The following ANKRD62 variants were observed in gnomAD, a reference collection of about 807,000 sequenced individuals.
ANKRD62 encodes the protein ankyrin repeat domain 62.
Under a neutral mutation model 98.8 loss-of-function variants are expected in ANKRD62, and 61 were observed. The observed-to-expected ratio is 0.62, with a 90% CI of 0.50 to 0.76. The LOEUF is 0.76. Ranked by LOEUF, ANKRD62 falls within the 30% of genes least tolerant of loss-of-function variation. ANKRD62 has a pLI of 0.00. For synonymous variants in ANKRD62, 341 were observed against 367.9 expected (o/e 0.93, Z 0.84); for missense variants, 933 against 1,082.9 (o/e 0.86, Z 1.94).
chr18:12,151,943 C>G, the ANKRD62 span, among the ~76,000 whole-genome samples: 1 of 151,954 alleles, frequency 6.6e-6, no homozygotes, highest in African/African-American at 2.4e-5. Flanking sequence ...CTTCTATGCA[C>G]ACAAACTAGA....
At chr18:12,156,954 C>T in the ANKRD62 span, among the ~76,000 whole-genome samples, 4 of 152,162 alleles carry the variant, frequency 2.6e-5, no homozygotes, top group Admixed American at 2.0e-4. Context: ...CGCTCTCTCT[C>T]GCTCGCTGTC....
the ANKRD62 span, among the ~76,000 whole-genome samples, chr18:12,173,212 G>C: frequency 6.6e-6 from 1 of 152,318 alleles, no homozygotes; most frequent in African/African-American, 2.4e-5. Flanking sequence ...GACTGGAGCT[G>C]TTCCTATTCA....
chr18:12,113,454 C>G (rs139386928), intron 8 of ANKRD62, among the ~76,000 whole-genome samples: 1 of 152,088 alleles, frequency 6.6e-6, no homozygotes, highest in Non-Finnish European at 1.5e-5. Flanking sequence ...GGTGAAACAT[C>G]GTCTCTACTA....
intron 10 of ANKRD62, among the ~76,000 whole-genome samples, chr18:12,116,519 G>A (rs1194187287): frequency 1.3e-5 from 2 of 151,980 alleles, no homozygotes; most frequent in Admixed American, 6.6e-5. Context: ...GGGTCCTATC[G>A]CCAAGATATC....
At chr18:12,170,003 A>G in the ANKRD62 span, among the ~76,000 whole-genome samples, 32 of 152,158 alleles carry the variant, frequency 2.1e-4, no homozygotes, top group Admixed American at 1.8e-3. Flanking sequence ...TATTGCATCT[A>G]TTTGATTCTT....
chr18:12,125,353 C>T (rs1909864882), intron 12 of ANKRD62, 107 bp from the exon 13 acceptor site: 10 of 1,063,552 alleles, frequency 9.4e-6, no homozygotes, highest in Non-Finnish European at 1.2e-5. Context: ...CAGATGGCAA[C>T]TCTTTCATTG....
chr18:12,127,620 T>C (rs1188232865), intron 13 of ANKRD62, 128 bp from the exon 14 acceptor site: 5 of 618,302 alleles, frequency 8.1e-6, no homozygotes, highest in African/African-American at 1.9e-5. Flanking sequence ...TGTGTACACA[T>C]GAGGAGGAGA....
downstream of ANKRD62, among the ~76,000 whole-genome samples, chr18:12,132,776 G>T (rs1278092374): frequency 6.6e-6 from 1 of 151,994 alleles, no homozygotes; most frequent in East Asian, 1.9e-4. Context: ...AAGATTAATT[G>T]ATTTGGGGGA....
chr18:12,110,736 T>C (rs1253907057), intron 8 of ANKRD62, among the ~76,000 whole-genome samples: 1 of 152,214 alleles, frequency 6.6e-6, no homozygotes, highest in African/African-American at 2.4e-5. Flanking sequence ...CATAATTTCT[T>C]AGATCTCATT....
the ANKRD62 span, among the ~76,000 whole-genome samples, chr18:12,153,578 C>T: frequency 1.0e-4 from 13 of 129,234 alleles, no homozygotes; most frequent in African/African-American, 2.7e-4. Flanking sequence ...GGTGACAGAG[C>T]GAGACTCTGC....
At chr18:12,096,850 C>T (rs998629208) in intron 4 of ANKRD62, among the ~76,000 whole-genome samples, 4 of 152,006 alleles carry the variant, frequency 2.6e-5, no homozygotes, top group Admixed American at 6.6e-5. Flanking sequence ...ACTGTGGGTT[C>T]ATTGGGTTTT....
downstream of ANKRD62, among the ~76,000 whole-genome samples, chr18:12,133,049 A>G (rs926998209): frequency 2.0e-5 from 3 of 151,916 alleles, no homozygotes; most frequent in African/African-American, 7.3e-5. Context: ...CCTAATAGAA[A>G]CTCTGTACCC....
intron 8 of ANKRD62, among the ~76,000 whole-genome samples, chr18:12,109,690 A>C (rs2143910783): frequency 1.3e-5 from 2 of 152,298 alleles, no homozygotes; most frequent in South Asian, 4.1e-4. Context: ...AAATATTTAC[A>C]ATATTGCTAA....
At chr18:12,106,841 A>G (rs982498464) in intron 7 of ANKRD62, among the ~76,000 whole-genome samples, 1 of 152,180 alleles carries the variant, frequency 6.6e-6, no homozygotes, top group Non-Finnish European at 1.5e-5. Context: ...AGCTTACCGT[A>G]GAAAGGGGAA....
the ANKRD62 span, among the ~76,000 whole-genome samples, chr18:12,167,822 T>C: frequency 6.6e-6 from 1 of 152,202 alleles, no homozygotes; most frequent in Admixed American, 6.5e-5. Flanking sequence ...GGATTGCCAT[T>C]CTAACTGGTG....
chr18:12,100,465 G>A (rs938361600), intron 6 of ANKRD62, among the ~76,000 whole-genome samples: 56 of 152,180 alleles, frequency 3.7e-4, no homozygotes, highest in African/African-American at 1.3e-3. Flanking sequence ...GCAGATGAGC[G>A]GGCCCTTGCA....
At chr18:12,112,005 G>T (rs1041287651) in intron 8 of ANKRD62, among the ~76,000 whole-genome samples, 1 of 151,388 alleles carries the variant, frequency 6.6e-6, no homozygotes, top group Non-Finnish European at 1.5e-5. Flanking sequence ...AGTTACTTGG[G>T]AGGCTGAGGC....
the ANKRD62 span, among the ~76,000 whole-genome samples, chr18:12,154,211 C>T: frequency 1.3e-5 from 2 of 152,126 alleles, no homozygotes; most frequent in Non-Finnish European, 2.9e-5. Flanking sequence ...TCTGACAAAG[C>T]TCTAATATCC....
chr18:12,131,730 T>TATGTGA (rs1910008332), downstream of ANKRD62, among the ~76,000 whole-genome samples: 1 of 122,968 alleles, frequency 8.1e-6, no homozygotes, highest in South Asian at 2.3e-4. Flanking sequence ...AGTGTGTGTA[T>TATGTGA]GTGTGAGTGT....
Sources: allele counts gnomAD v4.1 joint callset (sites outside exome capture counted in the v4.1 genomes callset), GRCh38; gene constraint gnomAD v4.1.1; transcripts MANE v1.5; gene names NCBI Gene and HGNC (gene_info 2026-07-23, HGNC 2026-07-21).